CLYBL: variants seen among roughly 807,000 people sequenced by gnomAD.
CLYBL encodes the protein citramalyl-CoA lyase, mitochondrial.
Under a neutral mutation model 38.9 loss-of-function variants are expected in CLYBL, and 31 were observed. That is an observed-to-expected ratio of 0.80 (90% CI 0.60 to 1.08). The LOEUF (loss-of-function observed/expected upper bound fraction) is 1.08, where lower values mean the gene tolerates loss of function less well. Among genes scored for constraint, CLYBL ranks in the 50% least tolerant of loss-of-function variants. The pLI, the probability that CLYBL is intolerant of heterozygous loss-of-function variation, is 0.00. For missense variants in CLYBL, 434 were observed against 411.6 expected, an observed-to-expected ratio of 1.05 and a Z score of -0.47; for synonymous variants, 171 against 158.6, an observed-to-expected ratio of 1.08 and a Z score of -0.59.
At chr13:99,820,251 G>T (rs902648852) in intron 2 of CLYBL, among the ~76,000 whole-genome samples, 69 of 152,268 alleles carry the variant, frequency 4.5e-4, no homozygotes, top group Middle Eastern at 3.4e-3. Flanking sequence ...CATTGCACAC[G>T]GTCCGCCCAG....
chr13:99,796,818 G>C (rs538434404), intron 2 of CLYBL, among the ~76,000 whole-genome samples: 1 of 152,252 alleles, frequency 6.6e-6, no homozygotes, highest in Non-Finnish European at 1.5e-5. Flanking sequence ...CAGTAGTGTA[G>C]ACTGGTTGGG....
intron 6 of CLYBL, 66 bp from the exon 7 acceptor site, chr13:99,870,872 T>C (rs777624029): frequency 3.1e-5 from 48 of 1,528,180 alleles, no homozygotes; most frequent in Non-Finnish European, 4.0e-5. Flanking sequence ...CCTCACGCGA[T>C]AGAAACATTT....
At chr13:99,711,926 A>G (rs2048239751) in intron 1 of CLYBL, among the ~76,000 whole-genome samples, 1 of 151,414 alleles carries the variant, frequency 6.6e-6, no homozygotes, top group Non-Finnish European at 1.5e-5. Context: ...CATCTTGGCC[A>G]GGCTGGTCTA....
intron 6 of CLYBL, among the ~76,000 whole-genome samples, chr13:99,866,983 T>G (rs1421074648): frequency 6.6e-6 from 1 of 152,142 alleles, no homozygotes; most frequent in Non-Finnish European, 1.5e-5. Flanking sequence ...TCCCTTGCAG[T>G]CCGGTCTGGG....
chr13:99,778,085 A>G (rs1213796704), intron 2 of CLYBL, among the ~76,000 whole-genome samples: 1 of 152,154 alleles, frequency 6.6e-6, no homozygotes, highest in Non-Finnish European at 1.5e-5. Context: ...AACTGACAGG[A>G]GCTCTGTGTT....
intron 1 of CLYBL, among the ~76,000 whole-genome samples, chr13:99,745,669 AC>A (rs1348518748): frequency 1.3e-5 from 2 of 152,208 alleles, no homozygotes; most frequent in Non-Finnish European, 2.9e-5. Context: ...GAAGGAAAAA[AC>A]AATCTTAATC....
chr13:99,606,863 A>G (rs557434758), intron 1 of CLYBL, 106 bp downstream of exon 1: 7 of 1,276,608 alleles, frequency 5.5e-6, no homozygotes, highest in South Asian at 2.7e-5. Context: ...CCTCACGGGA[A>G]CCCAGCCGGA....
intron 2 of CLYBL, among the ~76,000 whole-genome samples, chr13:99,845,635 G>A (rs2051183841): frequency 6.6e-6 from 1 of 152,050 alleles, no homozygotes; most frequent in South Asian, 2.1e-4. Context: ...CAGTGTTTGT[G>A]AGCTAGGTGA....
intron 2 of CLYBL, among the ~76,000 whole-genome samples, chr13:99,799,377 T>TCA (rs142411916): frequency 2.7e-5 from 4 of 150,164 alleles, no homozygotes; most frequent in South Asian, 2.1e-4. Flanking sequence ...ATACACACAT[T>TCA]CACACACACA....
chr13:99,761,462 C>T (rs145409250), intron 1 of CLYBL, among the ~76,000 whole-genome samples: 45 of 152,304 alleles, frequency 3.0e-4, no homozygotes, highest in Middle Eastern at 3.4e-3. Flanking sequence ...TTTCACTTAA[C>T]GTAATGACCT....
intron 2 of CLYBL, among the ~76,000 whole-genome samples, chr13:99,774,927 CTGTG>C (rs936618536): frequency 2.6e-5 from 4 of 152,158 alleles, no homozygotes; most frequent in African/African-American, 7.2e-5. Flanking sequence ...AATTCCAGTT[CTGTG>C]TGACCCAGGG....
intron 2 of CLYBL, among the ~76,000 whole-genome samples, chr13:99,823,132 AATTT>A (rs1205017201): frequency 2.6e-5 from 4 of 152,302 alleles, no homozygotes; most frequent in South Asian, 2.1e-4. Context: ...AATTGCCTTG[AATTT>A]ATTTATTTCT....
At chr13:99,747,608 T>C (rs1392617130) in intron 1 of CLYBL, among the ~76,000 whole-genome samples, 1 of 152,154 alleles carries the variant, frequency 6.6e-6, no homozygotes, top group African/African-American at 2.4e-5. Flanking sequence ...TTATTTGGGA[T>C]TCATGAATGG....
chr13:99,612,386 C>CTT lies in CLYBL; in HGVS notation c.62+5647_62+5648dup, dbSNP rs56097059. The stretch of plus-strand genomic sequence containing the variant: ...AGATAATTAATTTTAGACCTTTCTA[C>CTT]TTTTTTTTTTTTTTTTTTTGAGACA... On this transcript the variant is annotated intron_variant, in intron 1 of 8. Transcript: ENST00000339105. Among the ~76,000 whole-genome samples, 818 of 112,318 alleles carry CTT rather than the reference C, an allele frequency of 7.3e-3. 33 individuals are homozygous for CTT. Among genetic ancestry groups the CTT allele is most frequent in the African/African-American group, 0.019 (571 of 29,398 alleles). 73.7% of individuals were successfully genotyped at this position (112,318 alleles called of 152,430 possible). A position where few individuals can be genotyped will look rare whatever the true frequency, so the allele number is the denominator to read the frequency against.
chr13:99,772,957 A>C lies in CLYBL; in HGVS notation c.196A>C (p.Asn66His). ...EKKIKKIPSL[N>H]VDCAVLDCED... ...GAAAATAAAGAAGATTCCATCCCTG[A>C]ATGTAGATTGTGCAGTGCTCGACTG... The change falls in exon 2 of 9, where the codon AAT (asparagine) becomes CAT (histidine). Residue 66 changes from asparagine to histidine, a missense_variant. Transcript: ENST00000339105. The C allele has an allele frequency of 2.5e-6, 4 of 1,613,790 alleles. No homozygotes were observed. Among genetic ancestry groups the C allele is most frequent in the Non-Finnish European group, 3.4e-6 (4 of 1,179,962 alleles).
At chr13:99,773,946 T>C (rs186565465) in intron 2 of CLYBL, among the ~76,000 whole-genome samples, 157 of 152,226 alleles carry the variant, frequency 1.0e-3, no homozygotes, top group Non-Finnish European at 1.6e-3. Flanking sequence ...ATCCAACTTG[T>C]AGGCCGGATG....
At chr13:99,839,710 G>GTA (rs911056617) in intron 2 of CLYBL, among the ~76,000 whole-genome samples, 4 of 151,782 alleles carry the variant, frequency 2.6e-5, no homozygotes, top group African/African-American at 7.3e-5. Context: ...TACATAGTAG[G>GTA]TATATATATA....
intron 2 of CLYBL, among the ~76,000 whole-genome samples, chr13:99,820,665 A>G (rs1487374796): frequency 6.6e-6 from 1 of 152,218 alleles, no homozygotes; most frequent in East Asian, 1.9e-4. Flanking sequence ...AACAATTTGC[A>G]GAAATATTTA....
chr13:99,715,321 T>C lies in CLYBL; in HGVS notation c.63-57503T>C, dbSNP rs78743238. On this transcript the variant is annotated intron_variant, in intron 1 of 8. Transcript: ENST00000339105. ...AAAGTGAAAGCTTTTTGGGGTTCCA[T>C]TTCTCCAGGGATTTACTTCCTTTGC... 4.1e-4 allele frequency among the ~76,000 whole-genome samples: 63 copies of C among 152,336 alleles called. No homozygotes were observed. The East Asian group carries it at 0.012, about 29-fold the overall frequency.
Sources: allele counts gnomAD v4.1 joint callset (sites outside exome capture counted in the v4.1 genomes callset), GRCh38; gene constraint gnomAD v4.1.1; transcripts MANE v1.5; gene names NCBI Gene and HGNC (gene_info 2026-07-23, HGNC 2026-07-21).